The following FAM13B variants were observed in gnomAD, a reference collection of about 807,000 sequenced individuals.
FAM13B encodes protein FAM13B.
Under a neutral mutation model 117.3 loss-of-function variants are expected in FAM13B, and 60 were observed. That is an observed-to-expected ratio of 0.51 (90% confidence interval 0.42 to 0.63). The LOEUF is 0.63. FAM13B is among the 30% of genes least tolerant of loss of function. FAM13B has a pLI of 0.00. For missense variants in FAM13B, 972 were observed against 1,091.9 expected (o/e 0.89, Z 1.55); for synonymous variants, 332 against 356.1 (o/e 0.93, Z 0.76).
chr5:138,029,474 A>G (rs569140300), intron 1 of FAM13B, among the ~76,000 whole-genome samples: 1 of 152,344 alleles, frequency 6.6e-6, no homozygotes, highest in African/African-American at 2.4e-5. Flanking sequence ...TCTCAATAGA[A>G]AAAGAGAATA....
chr5:138,043,168 A>G (rs893997514), intron 1 of FAM13B, among the ~76,000 whole-genome samples: 1 of 152,144 alleles, frequency 6.6e-6, no homozygotes, highest in Admixed American at 6.6e-5. Flanking sequence ...ATTGGAGACC[A>G]GCCTGAGCAC....
chr5:137,967,663 TGGG>T (rs1770480980), intron 10 of FAM13B, among the ~76,000 whole-genome samples: 1 of 150,986 alleles, frequency 6.6e-6, no homozygotes, highest in Admixed American at 6.6e-5. Flanking sequence ...GAGGCTGAGG[TGGG>T]AGAATTGCTT....
intron 1 of FAM13B, among the ~76,000 whole-genome samples, chr5:138,040,241 C>T (rs1462845120): frequency 5.3e-5 from 5 of 94,888 alleles, no homozygotes; most frequent in African/African-American, 2.1e-4. Context: ...TTCAGCCTGG[C>T]GACAGAGCAA....
intron 1 of FAM13B, among the ~76,000 whole-genome samples, chr5:138,030,720 C>G (rs1030300240): frequency 6.9e-5 from 10 of 144,484 alleles, no homozygotes; most frequent in African/African-American, 1.5e-4. Flanking sequence ...GTCCCCCCCC[C>G]CCAAAAAAAA....
At chr5:138,009,907 A>C (rs1783547299) in intron 6 of FAM13B, among the ~76,000 whole-genome samples, 2 of 152,158 alleles carry the variant, frequency 1.3e-5, no homozygotes, top group South Asian at 2.1e-4. Flanking sequence ...TTTTTAAAGA[A>C]GGCTTTTAAA....
chr5:137,945,498 G>A (rs1763182036), intron 20 of FAM13B, among the ~76,000 whole-genome samples: 1 of 152,160 alleles, frequency 6.6e-6, no homozygotes, highest in Non-Finnish European at 1.5e-5. Flanking sequence ...CCACAAAACT[G>A]ATGCATTTTC....
Position 137,952,682 on chromosome 5 carries a change from G to A in FAM13B, c.1876C>T (p.Pro626Ser), listed in dbSNP as rs778061025. ...KPSYSDIAAN[P>S]KVLKWMTELT... ...TCTGTCATCCATTTTAATACCTTTG[G>A]ATTGGCAGCAATATCACTGTAGGAG... is the stretch of plus-strand genomic sequence containing the variant. Residue 626 changes from proline to serine, a missense_variant, in exon 17 of 24, where the codon CCA becomes TCA. Pro to Ser is a moderately conservative substitution (Grantham distance 74). Coordinates refer to ENST00000689681, the MANE Select transcript of FAM13B (RefSeq NM_001385994.1). 7 of 1,605,358 alleles carry A rather than the reference G, an allele frequency of 4.4e-6. No individual in the cohort carries two copies. Among genetic ancestry groups the A allele is most frequent in the Non-Finnish European group, 6.0e-6 (7 of 1,175,440 alleles).
At chr5:137,980,946 C>T (rs529318253) in intron 10 of FAM13B, among the ~76,000 whole-genome samples, 14 of 151,792 alleles carry the variant, frequency 9.2e-5, no homozygotes, top group East Asian at 1.9e-4. Flanking sequence ...AGGGTCTCAC[C>T]GTGTCGCCCA....
chr5:138,037,775 C>T (rs1318169607), upstream of FAM13B, among the ~76,000 whole-genome samples: 2 of 152,010 alleles, frequency 1.3e-5, no homozygotes, highest in East Asian at 1.9e-4. Flanking sequence ...TTTCTTAATA[C>T]GATGTTAATA....
intron 1 of FAM13B, among the ~76,000 whole-genome samples, chr5:138,041,212 G>A (rs1398312961): frequency 1.3e-5 from 2 of 152,132 alleles, no homozygotes; most frequent in South Asian, 2.1e-4. Flanking sequence ...CCATCTTCCA[G>A]AAGGAAGATC....
At chr5:137,972,902 G>A (rs1469165439) in intron 10 of FAM13B, among the ~76,000 whole-genome samples, 1 of 151,344 alleles carries the variant, frequency 6.6e-6, no homozygotes, top group Non-Finnish European at 1.5e-5. Context: ...AACTTACAAG[G>A]GATGTGAAGG....
chr5:137,962,275 CAAG>C lies in FAM13B; in HGVS notation c.1244+127_1244+129del, dbSNP rs1410363452. 7.7e-5 allele frequency: 54 copies of C among 703,056 alleles called. 1 individual carries two copies. The Admixed American group carries it at 1.4e-3, about 18-fold the overall frequency. 43.6% of individuals were successfully genotyped at this position (703,056 alleles called of 1,614,324 possible). The stretch of plus-strand genomic sequence containing the variant: ...ATATCCTTTATGCCTACCATTATAA[CAAG>C]AAGGCTGTTTAAGATTATCTAAACT... On this transcript the variant is annotated intron_variant, in intron 11 of 23. Transcript: ENST00000689681.
At chr5:137,944,689 C>T (rs558713788) in intron 20 of FAM13B, among the ~76,000 whole-genome samples, 244 of 150,910 alleles carry the variant, frequency 1.6e-3, no homozygotes, top group Non-Finnish European at 2.5e-3. Flanking sequence ...ACCCGGGAGG[C>T]GGAGGTTGCA....
At chr5:138,023,548 T>A (rs1030330661) in intron 1 of FAM13B, among the ~76,000 whole-genome samples, 5 of 152,164 alleles carry the variant, frequency 3.3e-5, no homozygotes, top group Non-Finnish European at 4.4e-5. Context: ...ATTTATAGTA[T>A]GATAGAATGT....
At chr5:137,942,117 G>A in intron 22 of FAM13B, 72 bp from the exon 23 acceptor site, 1 of 1,301,918 alleles carries the variant, frequency 7.7e-7, no homozygotes, top group Non-Finnish European at 1.1e-6. Context: ...TTCTATTTCT[G>A]GCTGCAAATT....
At position 137,944,955 on chromosome 5, in the gene FAM13B, G is replaced by A. The variant is rs138202574; in HGVS notation, c.2340+947C>T. Among the ~76,000 whole-genome samples, 85 of 151,712 alleles carry A rather than the reference G, an allele frequency of 5.6e-4. No homozygotes were observed. The East Asian group carries it at 0.016, about 29-fold the overall frequency. On this transcript the variant is annotated intron_variant, in intron 20 of 23. Coordinates refer to ENST00000689681, the MANE Select transcript of FAM13B (RefSeq NM_001385994.1). Reference sequence around the variant, plus strand: ...ACAGACAATGTGGACTACTAGAGGGGGAAGGGAGGGAGGGGGGCAAGGAAT... The same window carrying A: ...ACAGACAATGTGGACTACTAGAGGGAGAAGGGAGGGAGGGGGGCAAGGAAT...
At chr5:137,941,890 T>C (rs1761961932) in intron 23 of FAM13B, 54 bp downstream of exon 23, 3 of 1,374,750 alleles carry the variant, frequency 2.2e-6, no homozygotes, top group East Asian at 4.6e-5. Context: ...CAACATATGG[T>C]CAGTTTGTGA....
Position 138,028,439 on chromosome 5 carries a change from A to G in FAM13B, c.-203+4343T>C, listed in dbSNP as rs112764752. Among the ~76,000 whole-genome samples the G allele has an allele frequency of 3.7e-3, 561 of 152,320 alleles. 4 individuals are homozygous for G. The highest frequency in any genetic ancestry group is 6.2e-3 in the Non-Finnish European group (419 of 68,026). ...TAATTCTACAACTTGGTCTAGCCAG[A>G]TAGGTCCCCTGAGATTAAAACATTT... On this transcript the variant is annotated intron_variant, in intron 1 of 23. Coordinates refer to ENST00000689681, the MANE Select transcript of FAM13B (RefSeq NM_001385994.1).
At chr5:137,959,307 G>A (rs1479441693) in intron 13 of FAM13B, among the ~76,000 whole-genome samples, 2 of 152,168 alleles carry the variant, frequency 1.3e-5, no homozygotes, top group Non-Finnish European at 2.9e-5. Context: ...CCAAAGACTA[G>A]GAGATAGCAC....
Sources: allele counts gnomAD v4.1 joint callset (sites outside exome capture counted in the v4.1 genomes callset), GRCh38; gene constraint gnomAD v4.1.1; transcripts MANE v1.5; gene names NCBI Gene and HGNC (gene_info 2026-07-23, HGNC 2026-07-21).